Variants in IL1RAPL1 observed in about 807,000 individuals in gnomAD.
IL1RAPL1 encodes interleukin-1 receptor accessory protein-like 1.
Under a neutral mutation model 48.4 loss-of-function variants are expected in IL1RAPL1, and 3 were observed. The ratio of observed to expected loss-of-function variants is 0.06; its 90% CI spans 0.03 to 0.16. The LOEUF is 0.16. IL1RAPL1 is among the 10% of genes least tolerant of loss of function. The pLI is 1.00. For missense variants in IL1RAPL1, 349 were observed against 530.6 expected, an observed-to-expected ratio of 0.66 and a Z score of 3.36; for synonymous variants, 185 against 187.7, an observed-to-expected ratio of 0.99 and a Z score of 0.12.
At chrX:29,681,482 T>C (rs868164239) in intron 6 of IL1RAPL1, among the ~76,000 whole-genome samples, 30 of 112,249 alleles carry the variant, frequency 2.7e-4, no homozygotes, top group African/African-American at 7.7e-4. Context: ...CAAATTCTCT[T>C]TAGCAATCTG....
chrX:29,074,982 A>G (rs1306670993), intron 2 of IL1RAPL1, among the ~76,000 whole-genome samples: 1 of 112,386 alleles, frequency 8.9e-6, no homozygotes, highest in African/African-American at 3.2e-5. Flanking sequence ...ACTGAGGTAA[A>G]CAAAATTAGG....
chrX:29,190,345 G>A (rs1463973374), intron 2 of IL1RAPL1, among the ~76,000 whole-genome samples: 2 of 111,734 alleles, frequency 1.8e-5, no homozygotes, highest in Non-Finnish European at 3.8e-5. Context: ...GTATAAGAAA[G>A]ATTAAGTTTC....
intron 6 of IL1RAPL1, among the ~76,000 whole-genome samples, chrX:29,693,461 GA>G (rs5901928): frequency 0.18 from 19,741 of 111,452 alleles, 1,796 homozygotes; most frequent in African/African-American, 0.35. Flanking sequence ...TTTTAGAAGG[GA>G]AAAAAACTCT....
chrX:29,318,656 T>C (rs897435046), intron 3 of IL1RAPL1, among the ~76,000 whole-genome samples: 2 of 112,714 alleles, frequency 1.8e-5, no homozygotes, highest in Non-Finnish European at 3.8e-5. Flanking sequence ...AATAACCTCA[T>C]GTAAATGAAG....
chrX:28,862,259 A>G (rs776103184), intron 2 of IL1RAPL1, among the ~76,000 whole-genome samples: 1 of 112,153 alleles, frequency 8.9e-6, no homozygotes, highest in African/African-American at 3.2e-5. Flanking sequence ...GGACTATTGT[A>G]TAATGCTATC....
chrX:29,374,286 C>CTTTTTTTTT (rs747182215), intron 3 of IL1RAPL1, among the ~76,000 whole-genome samples: 1 of 4,755 alleles, frequency 2.1e-4, no homozygotes, highest in African/African-American at 5.4e-4. Context: ...TGGTTGGTTG[C>CTTTTTTTTT]TTTTTTTTTT....
intron 2 of IL1RAPL1, among the ~76,000 whole-genome samples, chrX:29,183,490 G>A (rs62586207): frequency 0.35 from 38,529 of 109,822 alleles, 6,014 homozygotes; most frequent in Non-Finnish European, 0.48. Context: ...GACTTTGACT[G>A]ACAAACCCCT....
At chrX:29,576,899 CA>C (rs35355239) in intron 5 of IL1RAPL1, among the ~76,000 whole-genome samples, 6,107 of 105,580 alleles carry the variant, frequency 0.058, 324 homozygotes, top group African/African-American at 0.17. Context: ...TTGTTGGTTA[CA>C]AAAAAAAAAT....
intron 5 of IL1RAPL1, among the ~76,000 whole-genome samples, chrX:29,491,505 A>T (rs1935159203): frequency 8.9e-6 from 1 of 112,301 alleles, no homozygotes; most frequent in Admixed American, 9.5e-5. Context: ...TCAAACAAAA[A>T]AGGACTAATT....
chrX:29,510,419 A>G (rs1165616883), intron 5 of IL1RAPL1, among the ~76,000 whole-genome samples: 3 of 112,477 alleles, frequency 2.7e-5, no homozygotes, highest in Non-Finnish European at 3.8e-5. Context: ...ATGACACATT[A>G]TTTTAACTTG....
At chrX:29,620,867 A>G (rs1374486665) in intron 5 of IL1RAPL1, among the ~76,000 whole-genome samples, 1 of 112,699 alleles carries the variant, frequency 8.9e-6, no homozygotes, top group Non-Finnish European at 1.9e-5. Context: ...TGTCTGTTAA[A>G]TACTTTAATA....
At chrX:29,024,749 A>G (rs1017917102) in intron 2 of IL1RAPL1, among the ~76,000 whole-genome samples, 1 of 111,544 alleles carries the variant, frequency 9.0e-6, no homozygotes, top group Non-Finnish European at 1.9e-5. Flanking sequence ...TTGTCCATCC[A>G]AAGCTTTCTG....
At chrX:29,817,961 C>T (rs1188661777) in intron 6 of IL1RAPL1, among the ~76,000 whole-genome samples, 1 of 111,656 alleles carries the variant, frequency 9.0e-6, no homozygotes, top group South Asian at 3.7e-4. Context: ...GGAGATGTCC[C>T]TGTAGTCCAA....
At chrX:28,825,083 C>T (rs1385786029) in intron 2 of IL1RAPL1, among the ~76,000 whole-genome samples, 2 of 111,633 alleles carry the variant, frequency 1.8e-5, no homozygotes, top group Non-Finnish European at 3.8e-5. Flanking sequence ...AGAATTCTAG[C>T]ATTTAGCATG....
intron 2 of IL1RAPL1, among the ~76,000 whole-genome samples, chrX:28,820,856 T>G (rs1278264070): frequency 9.0e-6 from 1 of 111,068 alleles, no homozygotes; most frequent in Non-Finnish European, 1.9e-5. Context: ...GGCCCATTTT[T>G]CTCTCAACCC....
intron 3 of IL1RAPL1, among the ~76,000 whole-genome samples, chrX:29,341,268 G>A (rs1168256640): frequency 8.9e-6 from 1 of 111,797 alleles, no homozygotes; most frequent in African/African-American, 3.3e-5. Context: ...TAGCCCTGAC[G>A]GAAGAGTCAG....
At chrX:29,799,059 T>A (rs1383595963) in intron 6 of IL1RAPL1, among the ~76,000 whole-genome samples, 2 of 112,317 alleles carry the variant, frequency 1.8e-5, no homozygotes, top group Non-Finnish European at 3.8e-5. Flanking sequence ...GGAGAATGTT[T>A]ATTTTCACAA....
At chrX:28,630,473 A>G (rs1036388281) in intron 1 of IL1RAPL1, among the ~76,000 whole-genome samples, 2 of 111,319 alleles carry the variant, frequency 1.8e-5, no homozygotes, top group African/African-American at 3.3e-5. Flanking sequence ...ACAAGACTCC[A>G]TTATCATTCC....
At chrX:29,954,786 C>A in intron 10 of IL1RAPL1, 94 bp downstream of exon 10, 1 of 790,776 alleles carries the variant, frequency 1.3e-6, no homozygotes, top group South Asian at 2.2e-5. Context: ...TGGTTCTTTA[C>A]TTCAAAATTT....
Sources: gnomAD v4.1 joint callset for allele counts (sites outside exome capture counted in the v4.1 genomes callset) on GRCh38, gnomAD v4.1.1 for gene constraint, MANE v1.5 for transcripts, NCBI Gene and HGNC (gene_info 2026-07-23, HGNC 2026-07-21) for gene names.